The following NELL1 variants were observed in gnomAD, a reference collection of about 807,000 sequenced individuals.
NELL1 encodes the protein neural EGFL like 1.
In NELL1, 76 loss-of-function variants were observed where a neutral mutation model predicts 107.4. That is an observed-to-expected ratio of 0.71 (90% CI 0.59 to 0.86). NELL1 has a LOEUF of 0.86. Among genes scored for constraint, NELL1 ranks in the 40% least tolerant of loss-of-function variants. The probability of loss-of-function intolerance (pLI) is 0.00; values close to 1 mark genes in which losing one functional copy is unlikely to be tolerated. For missense variants in NELL1, 1,024 were observed against 1,005.5 expected (o/e 1.02, Z -0.25); for synonymous variants, 353 against 341.2 (o/e 1.03, Z -0.38).
At chr11:21,467,152 A>G (rs890580075) in intron 15 of NELL1, among the ~76,000 whole-genome samples, 9 of 152,106 alleles carry the variant, frequency 5.9e-5, no homozygotes, top group Admixed American at 1.3e-4. Flanking sequence ...AAAAGCAAGG[A>G]TTCTGGAGTC....
At chr11:21,003,498 CTT>C (rs2134276742) in intron 12 of NELL1, among the ~76,000 whole-genome samples, 1 of 152,228 alleles carries the variant, frequency 6.6e-6, no homozygotes, top group Admixed American at 6.5e-5. Context: ...AGTGCAAACT[CTT>C]TATTTTGTGG....
At chr11:21,202,908 G>T (rs1857303038) in intron 13 of NELL1, among the ~76,000 whole-genome samples, 1 of 151,950 alleles carries the variant, frequency 6.6e-6, no homozygotes, top group Admixed American at 6.5e-5. Flanking sequence ...GTAGCAGGTT[G>T]TTCAGTCTCC....
intron 12 of NELL1, among the ~76,000 whole-genome samples, chr11:21,075,646 T>C (rs568986270): frequency 6.6e-6 from 1 of 152,302 alleles, no homozygotes; most frequent in East Asian, 1.9e-4. Flanking sequence ...GGTTCCATTA[T>C]GTTTGCTTAG....
rs116314704 is a variant in NELL1, at chr11:21,362,943, G to A, written c.1550-7910G>A. Among the ~76,000 whole-genome samples, 258 of 152,258 alleles carry A rather than the reference G, an allele frequency of 1.7e-3. 4 individuals are homozygous for A. Among genetic ancestry groups the A allele is most frequent in the African/African-American group, 6.0e-3 (249 of 41,536 alleles). On this transcript the variant is annotated intron_variant, in intron 14 of 19. Coordinates refer to ENST00000357134, the MANE Select transcript of NELL1 (RefSeq NM_006157.5). ...TTGGCCACCTCTGCTGTGTTATATG[G>A]TTCATCAGGGAAGTGGGGGATAGCG...
At chr11:21,450,106 G>T (rs577071487) in intron 15 of NELL1, among the ~76,000 whole-genome samples, 1 of 152,178 alleles carries the variant, frequency 6.6e-6, no homozygotes, top group South Asian at 2.1e-4. Context: ...TGCAGCTTTA[G>T]GTTACTTCTG....
chr11:20,764,176 T>C (rs1263091273), intron 2 of NELL1, among the ~76,000 whole-genome samples: 1 of 152,234 alleles, frequency 6.6e-6, no homozygotes, highest in Admixed American at 6.5e-5. Context: ...ATCCAGAACT[T>C]TTTTATTTTG....
intron 2 of NELL1, among the ~76,000 whole-genome samples, chr11:20,710,833 T>G (rs888961576): frequency 1.3e-5 from 2 of 152,086 alleles, no homozygotes; most frequent in Non-Finnish European, 2.9e-5. Flanking sequence ...ACAGTAGCCT[T>G]GAATGATCTT....
At chr11:21,088,048 T>A (rs1044506228) in intron 12 of NELL1, among the ~76,000 whole-genome samples, 2 of 148,812 alleles carry the variant, frequency 1.3e-5, no homozygotes, top group African/African-American at 5.0e-5. Context: ...TTTCTGTGAG[T>A]CCCAGTAGCT....
chr11:21,556,061 A>C (rs1019434481), intron 16 of NELL1, among the ~76,000 whole-genome samples: 18 of 151,936 alleles, frequency 1.2e-4, no homozygotes, highest in Admixed American at 1.2e-3. Flanking sequence ...GCTAACGTGT[A>C]GTGTGTATAT....
intron 15 of NELL1, among the ~76,000 whole-genome samples, chr11:21,458,891 A>G (rs1418185426): frequency 5.3e-5 from 8 of 151,756 alleles, no homozygotes; most frequent in African/African-American, 1.7e-4. Flanking sequence ...CTTCATCACC[A>G]TCACCATCAT....
chr11:20,670,037 A>G (rs6483716), intron 1 of NELL1, among the ~76,000 whole-genome samples: 122,817 of 152,116 alleles, frequency 0.81, 51,151 homozygotes, highest in Non-Finnish European at 0.9. Context: ...GCGGCCGAGT[A>G]GGCGCACCCT....
At chr11:20,951,591 A>G (rs568796015) in intron 11 of NELL1, among the ~76,000 whole-genome samples, 2 of 152,322 alleles carry the variant, frequency 1.3e-5, no homozygotes, top group South Asian at 2.1e-4. Flanking sequence ...TTTTAGGGAA[A>G]AATGAATATA....
chr11:21,007,388 G>GACAC (rs66809505), intron 12 of NELL1, among the ~76,000 whole-genome samples: 247 of 149,228 alleles, frequency 1.7e-3, no homozygotes, highest in African/African-American at 4.9e-3. Context: ...CACACACACA[G>GACAC]ACACACACAC....
intron 4 of NELL1, among the ~76,000 whole-genome samples, chr11:20,877,629 G>A (rs1244306365): frequency 6.6e-6 from 1 of 152,176 alleles, no homozygotes; most frequent in African/African-American, 2.4e-5. Flanking sequence ...ATTAAGAGAG[G>A]TTACACCTTG....
At chr11:20,973,920 A>C (rs1362387818) in intron 12 of NELL1, among the ~76,000 whole-genome samples, 1 of 152,238 alleles carries the variant, frequency 6.6e-6, no homozygotes, top group Non-Finnish European at 1.5e-5. Context: ...TTCTGAGCCC[A>C]GCTAAAGAAA....
At chr11:21,118,270 T>C (rs1169163387) in intron 13 of NELL1, among the ~76,000 whole-genome samples, 1 of 151,990 alleles carries the variant, frequency 6.6e-6, no homozygotes, top group Non-Finnish European at 1.5e-5. Flanking sequence ...GCAATGACTA[T>C]ACTATGTTAG....
intron 12 of NELL1, among the ~76,000 whole-genome samples, chr11:21,100,321 A>G (rs1005186929): frequency 6.6e-6 from 1 of 152,164 alleles, no homozygotes; most frequent in African/African-American, 2.4e-5. Flanking sequence ...CTCGGCCTCC[A>G]TTTTAGCCAT....
intron 12 of NELL1, among the ~76,000 whole-genome samples, chr11:21,012,866 C>T (rs1338233868): frequency 2.0e-5 from 3 of 152,044 alleles, no homozygotes; most frequent in Non-Finnish European, 4.4e-5. Context: ...CCTCAAACAC[C>T]AATCTTAGGC....
intron 13 of NELL1, among the ~76,000 whole-genome samples, chr11:21,125,541 A>C (rs1054957658): frequency 6.6e-6 from 1 of 152,200 alleles, no homozygotes; most frequent in African/African-American, 2.4e-5. Flanking sequence ...TCTCTTTGGG[A>C]GACATAAAAT....
Sources: allele counts gnomAD v4.1 joint callset (sites outside exome capture counted in the v4.1 genomes callset), GRCh38; gene constraint gnomAD v4.1.1; transcripts MANE v1.5; gene names NCBI Gene and HGNC (gene_info 2026-07-23, HGNC 2026-07-21).